GRM7: variants seen among roughly 807,000 people sequenced by gnomAD.
GRM7 encodes metabotropic glutamate receptor 7.
Under a neutral mutation model 84.5 loss-of-function variants are expected in GRM7, and 35 were observed. The observed-to-expected ratio is 0.41, with a 90% CI of 0.32 to 0.55. GRM7 has a LOEUF of 0.55. GRM7 is among the 20% of genes least tolerant of loss of function. The probability of loss-of-function intolerance (pLI) is 0.19; values close to 1 mark genes in which losing one functional copy is unlikely to be tolerated. For missense variants in GRM7, 1,003 were observed against 1,194.6 expected, an observed-to-expected ratio of 0.84 and a Z score of 2.36; for synonymous variants, 487 against 455.1, an observed-to-expected ratio of 1.07 and a Z score of -0.89.
intron 1 of GRM7, among the ~76,000 whole-genome samples, chr3:6,960,805 C>T (rs550739153): frequency 1.3e-3 from 205 of 152,222 alleles, no homozygotes; most frequent in African/African-American, 4.7e-3. Flanking sequence ...GCTCCTTCTA[C>T]CTATGGTGGG....
At chr3:6,950,036 G>T (rs1449839131) in intron 1 of GRM7, among the ~76,000 whole-genome samples, 1 of 152,042 alleles carries the variant, frequency 6.6e-6, no homozygotes, top group Admixed American at 6.6e-5. Flanking sequence ...TTGATCTTCT[G>T]AAGCCTTCCT....
chr3:6,909,481 A>G (rs1039775506), intron 1 of GRM7, among the ~76,000 whole-genome samples: 4 of 152,120 alleles, frequency 2.6e-5, no homozygotes, highest in Admixed American at 6.6e-5. Context: ...ATTTTTCACT[A>G]TCTTTCCAGC....
intron 1 of GRM7, among the ~76,000 whole-genome samples, chr3:7,031,924 A>G (rs1042536428): frequency 2.6e-5 from 4 of 152,136 alleles, no homozygotes; most frequent in African/African-American, 9.7e-5. Flanking sequence ...TCAACTATGA[A>G]TGCTAACACA....
intron 4 of GRM7, among the ~76,000 whole-genome samples, chr3:7,324,946 C>T (rs1235791784): frequency 1.3e-5 from 2 of 152,180 alleles, no homozygotes; most frequent in African/African-American, 4.8e-5. Flanking sequence ...CCAGGTCCTG[C>T]AGCTTTTCCA....
intron 6 of GRM7, among the ~76,000 whole-genome samples, chr3:7,457,605 G>T (rs1698071854): frequency 6.6e-6 from 1 of 151,972 alleles, no homozygotes; most frequent in Non-Finnish European, 1.5e-5. Context: ...TGCTTTTTTT[G>T]CAATATGATG....
intron 4 of GRM7, among the ~76,000 whole-genome samples, chr3:7,360,354 A>T (rs1185553650): frequency 1.6e-5 from 2 of 127,144 alleles, no homozygotes; most frequent in Non-Finnish European, 3.3e-5. Context: ...GACAATTAAA[A>T]TTAGTAAAAA....
At chr3:6,870,369 C>T (rs931116438) in intron 1 of GRM7, among the ~76,000 whole-genome samples, 2 of 152,092 alleles carry the variant, frequency 1.3e-5, no homozygotes, top group African/African-American at 2.4e-5. Flanking sequence ...AGTGCCAAAA[C>T]TCCAAGCAAA....
intron 1 of GRM7, among the ~76,000 whole-genome samples, chr3:7,108,561 C>T (rs1254541620): frequency 3.3e-5 from 5 of 149,988 alleles, no homozygotes; most frequent in Non-Finnish European, 7.4e-5. Context: ...GCTCTGTCAT[C>T]GTACACTCTT....
chr3:7,122,290 C>A (rs1023734291), intron 1 of GRM7, among the ~76,000 whole-genome samples: 1 of 152,088 alleles, frequency 6.6e-6, no homozygotes. Flanking sequence ...TTGCCCCAAA[C>A]CTATATTTAT....
chr3:7,030,182 A>G (rs1316989710), intron 1 of GRM7, among the ~76,000 whole-genome samples: 1 of 152,262 alleles, frequency 6.6e-6, no homozygotes, highest in Non-Finnish European at 1.5e-5. Flanking sequence ...TGAAAAAAAT[A>G]CAAATGAAAA....
intron 4 of GRM7, among the ~76,000 whole-genome samples, chr3:7,391,195 T>C (rs527561584): frequency 1.3e-5 from 2 of 152,280 alleles, no homozygotes; most frequent in East Asian, 3.9e-4. Context: ...TTGCTTGTTA[T>C]GATTTAATTT....
At chr3:7,608,422 C>T (rs112346320) in intron 8 of GRM7, among the ~76,000 whole-genome samples, 2,781 of 152,222 alleles carry the variant, frequency 0.018, 96 homozygotes, top group African/African-American at 0.062. Flanking sequence ...GCCATTCTGA[C>T]TGCTGTGAGA....
At chr3:7,406,895 C>G (rs1216310922) in intron 4 of GRM7, among the ~76,000 whole-genome samples, 12 of 152,122 alleles carry the variant, frequency 7.9e-5, no homozygotes, top group African/African-American at 2.7e-4. Context: ...GTATTGCAGT[C>G]AAGATTGCAC....
chr3:7,354,243 A>C (rs955689833), intron 4 of GRM7, among the ~76,000 whole-genome samples: 1 of 152,136 alleles, frequency 6.6e-6, no homozygotes, highest in Non-Finnish European at 1.5e-5. Context: ...ACTACCAGAC[A>C]CTGGATCTGA....
intron 7 of GRM7, among the ~76,000 whole-genome samples, chr3:7,475,711 A>T (rs917642866): frequency 1.3e-5 from 2 of 152,212 alleles, no homozygotes; most frequent in Non-Finnish European, 2.9e-5. Flanking sequence ...TGACAACATT[A>T]TGGCAAAACC....
intron 4 of GRM7, among the ~76,000 whole-genome samples, chr3:7,348,920 G>A (rs1434134835): frequency 6.6e-6 from 1 of 152,090 alleles, no homozygotes; most frequent in Non-Finnish European, 1.5e-5. Flanking sequence ...AATTCTTTAA[G>A]CATTGATCAA....
At chr3:7,717,426 A>G (rs1701804088) in intron 9 of GRM7, among the ~76,000 whole-genome samples, 1 of 152,060 alleles carries the variant, frequency 6.6e-6, no homozygotes, top group South Asian at 2.1e-4. Flanking sequence ...GCTGGTATAT[A>G]TTTTTTCTCC....
intron 1 of GRM7, among the ~76,000 whole-genome samples, chr3:6,891,426 T>C (rs931808657): frequency 1.3e-5 from 2 of 152,220 alleles, no homozygotes; most frequent in African/African-American, 4.8e-5. Flanking sequence ...AGAGCAGGCC[T>C]GGTGGTAACA....
chr3:7,220,950 AG>A (rs1696781143), intron 2 of GRM7, among the ~76,000 whole-genome samples: 1 of 152,012 alleles, frequency 6.6e-6, no homozygotes, highest in Non-Finnish European at 1.5e-5. Flanking sequence ...AAAACTTTGC[AG>A]GGAATGGTGG....
Sources: gnomAD v4.1 joint callset for allele counts (sites outside exome capture counted in the v4.1 genomes callset) on GRCh38, gnomAD v4.1.1 for gene constraint, MANE v1.5 for transcripts, NCBI Gene and HGNC (gene_info 2026-07-23, HGNC 2026-07-21) for gene names.